HEPACAM2: variants seen among roughly 807,000 people sequenced by gnomAD.
The protein encoded by HEPACAM2 is HEPACAM family member 2, also known as mitotic kinetics regulator.
A neutral mutation model predicts 49.6 loss-of-function variants in HEPACAM2; 49 were observed. The ratio of observed to expected loss-of-function variants is 0.99; its 90% CI spans 0.78 to 1.25. HEPACAM2 has a LOEUF of 1.25. HEPACAM2 is among the 50% of genes most tolerant of loss of function. HEPACAM2 has a pLI of 0.00. For missense variants in HEPACAM2, 525 were observed against 557.2 expected, an observed-to-expected ratio of 0.94 and a Z score of 0.58; for synonymous variants, 197 against 202.9, an observed-to-expected ratio of 0.97 and a Z score of 0.25.
chr7:93,202,031 C>CAAAAAAAAAAAAAAAAAAAA (rs1793900818), intron 4 of HEPACAM2, among the ~76,000 whole-genome samples: 1 of 22,760 alleles, frequency 4.4e-5, no homozygotes, highest in Non-Finnish European at 8.0e-5. Context: ...AAAAAAAAAA[C>CAAAAAAAAAAAAAAAAAAAA]CAAAAAAAAA....
Position 93,215,519 on chromosome 7 carries a change from G to A in HEPACAM2, c.597C>T (p.Pro199=). ...VHTSSTYSFS[P]QNNTLHIAPV... ...GAGCAATATGAAGGGTATTGTTTTG[G>A]GGAGAAAAGGAGTAGGTGGAGCTGG... Residue 199 remains proline, a synonymous_variant, in exon 3 of 10, where the codon CCC becomes CCT. Coordinates refer to ENST00000394468, the MANE Select transcript of HEPACAM2 (RefSeq NM_001039372.4). 1 of 1,613,794 alleles carries A rather than the reference G, an allele frequency of 6.2e-7. No individual in the cohort carries two copies. Among genetic ancestry groups the A allele is most frequent in the Non-Finnish European group, 8.5e-7 (1 of 1,179,830 alleles).
At chr7:93,229,561 T>C (rs997856995), upstream of HEPACAM2, among the ~76,000 whole-genome samples, 1 of 152,226 alleles carries the variant, frequency 6.6e-6, no homozygotes, top group Non-Finnish European at 1.5e-5. Flanking sequence ...ATTAGTAATA[T>C]GCCCTTATCC....
chr7:93,215,029 T>C (rs1321721225), intron 3 of HEPACAM2, among the ~76,000 whole-genome samples: 1 of 152,158 alleles, frequency 6.6e-6, no homozygotes, highest in African/African-American at 2.4e-5. Flanking sequence ...GGAATGGTAA[T>C]ATTTGGAGAG....
At chr7:93,219,578 T>C in intron 1 of HEPACAM2, 127 bp from the exon 2 acceptor site, 1 of 1,509,688 alleles carries the variant, frequency 6.6e-7, no homozygotes, top group Non-Finnish European at 8.9e-7. Context: ...AGGTACTGAC[T>C]ATTCTAGTAC....
chr7:93,224,906 G>T (rs1345979051), intron 1 of HEPACAM2, among the ~76,000 whole-genome samples: 1 of 152,026 alleles, frequency 6.6e-6, no homozygotes, highest in Non-Finnish European at 1.5e-5. Context: ...TTAAAAAGAA[G>T]AAGCAAACAA....
chr7:93,196,593 C>T (rs1793726475), intron 7 of HEPACAM2, among the ~76,000 whole-genome samples: 1 of 152,054 alleles, frequency 6.6e-6, no homozygotes, highest in African/African-American at 2.4e-5. Context: ...TCATAGCAAC[C>T]TTAAGGGGGA....
At chr7:93,216,594 T>C (rs1436515044) in intron 2 of HEPACAM2, among the ~76,000 whole-genome samples, 3 of 152,212 alleles carry the variant, frequency 2.0e-5, no homozygotes, top group African/African-American at 7.2e-5. Context: ...TTTCTGGCAA[T>C]TTTCTTTAAT....
chr7:93,221,421 G>T (rs1321594433), intron 1 of HEPACAM2, among the ~76,000 whole-genome samples: 1 of 152,144 alleles, frequency 6.6e-6, no homozygotes, highest in Non-Finnish European at 1.5e-5. Context: ...AAAGGGAAAG[G>T]TAGAAAGATC....
At chr7:93,212,303 T>G (rs1794195463) in intron 3 of HEPACAM2, among the ~76,000 whole-genome samples, 1 of 152,082 alleles carries the variant, frequency 6.6e-6, no homozygotes, top group South Asian at 2.1e-4. Context: ...GTTTCATGAT[T>G]GGCATAATTT....
intron 9 of HEPACAM2, among the ~76,000 whole-genome samples, chr7:93,191,243 CAA>C (rs1484261872): frequency 6.6e-6 from 1 of 151,738 alleles, no homozygotes; most frequent in African/African-American, 2.4e-5. Context: ...TTCCTAACTC[CAA>C]CAGTCTGTTC....
chr7:93,192,941 A>C (rs978322369), intron 8 of HEPACAM2, among the ~76,000 whole-genome samples: 5 of 152,128 alleles, frequency 3.3e-5, no homozygotes, highest in African/African-American at 4.8e-5. Context: ...TAGTGTATTT[A>C]TGGCTGGTAA....
the HEPACAM2 span, among the ~76,000 whole-genome samples, chr7:93,231,942 G>A: frequency 1.3e-5 from 2 of 152,074 alleles, no homozygotes; most frequent in Non-Finnish European, 2.9e-5. Flanking sequence ...ACCCCTCAGT[G>A]ACAGCCCTTT....
intron 4 of HEPACAM2, among the ~76,000 whole-genome samples, chr7:93,203,230 C>G (rs950870296): frequency 6.6e-6 from 1 of 152,128 alleles, no homozygotes; most frequent in East Asian, 1.9e-4. Context: ...CTAGAGCATT[C>G]TGGCTCTCTG....
At chr7:93,206,412 T>C (rs1162735868) in intron 4 of HEPACAM2, among the ~76,000 whole-genome samples, 1 of 152,104 alleles carries the variant, frequency 6.6e-6, no homozygotes, top group East Asian at 1.9e-4. Context: ...TCTTAGTGCG[T>C]ACTCCAATAT....
At chr7:93,196,175 C>A (rs554613945) in intron 7 of HEPACAM2, among the ~76,000 whole-genome samples, 105 of 152,180 alleles carry the variant, frequency 6.9e-4, no homozygotes, top group Admixed American at 2.2e-3. Flanking sequence ...AGGTGGGCAA[C>A]CTTGGCCTTT....
At chr7:93,203,589 T>A (rs1038278888) in intron 4 of HEPACAM2, among the ~76,000 whole-genome samples, 1 of 152,126 alleles carries the variant, frequency 6.6e-6, no homozygotes, top group African/African-American at 2.4e-5. Context: ...TTAAACATGA[T>A]GGACTCATGT....
chr7:93,203,578 T>C (rs886604767), intron 4 of HEPACAM2, among the ~76,000 whole-genome samples: 6 of 152,136 alleles, frequency 3.9e-5, no homozygotes, highest in African/African-American at 7.2e-5. Flanking sequence ...CTCCCCATTA[T>C]TTAAACATGA....
intron 9 of HEPACAM2, among the ~76,000 whole-genome samples, chr7:93,190,911 G>A (rs1400757699): frequency 6.6e-6 from 1 of 151,928 alleles, no homozygotes. Context: ...TAAACCCCAA[G>A]TTGTCATTTG....
rs947487046 is a variant in HEPACAM2, at chr7:93,189,257, C to T, written c.*10G>A. On this transcript the variant is annotated 3_prime_UTR_variant, in exon 10 of 10. Coordinates refer to ENST00000394468, the MANE Select transcript of HEPACAM2 (RefSeq NM_001039372.4). The stretch of plus-strand genomic sequence containing the variant: ...ATTTCACTCGAATGTACTGTTTAGC[C>T]CATGAAAGTTCACCTAGTGAAGAGA... The T allele has an allele frequency of 1.3e-6, 2 of 1,594,646 alleles. No individual in the cohort carries two copies. Among genetic ancestry groups the T allele is most frequent in the Middle Eastern group, 1.7e-4 (1 of 6,022 alleles).
Sources: allele counts gnomAD v4.1 joint callset (sites outside exome capture counted in the v4.1 genomes callset), GRCh38; gene constraint gnomAD v4.1.1; transcripts MANE v1.5; gene names NCBI Gene and HGNC (gene_info 2026-07-23, HGNC 2026-07-21).